The following PPP2R3A variants were observed in gnomAD, a reference collection of about 807,000 sequenced individuals.
PPP2R3A encodes the protein serine/threonine-protein phosphatase 2A regulatory subunit B'' subunit alpha.
Under a neutral mutation model 106.9 loss-of-function variants are expected in PPP2R3A, and 80 were observed. The ratio of observed to expected loss-of-function variants is 0.75; its 90% confidence interval spans 0.62 to 0.90. The LOEUF (loss-of-function observed/expected upper bound fraction) is 0.90, where lower values mean the gene tolerates loss of function less well. PPP2R3A is among the 40% of genes least tolerant of loss of function. The pLI, the probability that PPP2R3A is intolerant of heterozygous loss-of-function variation, is 0.00. For missense variants in PPP2R3A, 1,386 were observed against 1,350.4 expected, an observed-to-expected ratio of 1.03 and a Z score of -0.41; for synonymous variants, 483 against 468.3, an observed-to-expected ratio of 1.03 and a Z score of -0.41.
chr3:136,047,168 G>A (rs556886411), intron 4 of PPP2R3A, among the ~76,000 whole-genome samples: 1 of 152,328 alleles, frequency 6.6e-6, no homozygotes, highest in South Asian at 2.1e-4. Context: ...AACGTATGAG[G>A]ATATAGTCCA....
chr3:136,095,827 G>A (rs1350349229), intron 10 of PPP2R3A, among the ~76,000 whole-genome samples: 1 of 152,148 alleles, frequency 6.6e-6, no homozygotes, highest in Non-Finnish European at 1.5e-5. Context: ...CTAAAGCAGA[G>A]TGTGAGCAGA....
chr3:135,980,113 G>A (rs1937519227), intron 1 of PPP2R3A, among the ~76,000 whole-genome samples: 1 of 151,710 alleles, frequency 6.6e-6, no homozygotes, highest in South Asian at 2.1e-4. Flanking sequence ...CGAAAGAGTG[G>A]CCTCAGGCAC....
At chr3:136,037,622 A>T (rs1050476015) in intron 3 of PPP2R3A, among the ~76,000 whole-genome samples, 1 of 152,202 alleles carries the variant, frequency 6.6e-6, no homozygotes, top group Non-Finnish European at 1.5e-5. Context: ...AAATGGGATT[A>T]AAAAAATCAC....
At chr3:135,972,825 C>A (rs894912256) in intron 1 of PPP2R3A, among the ~76,000 whole-genome samples, 2 of 152,118 alleles carry the variant, frequency 1.3e-5, no homozygotes, top group African/African-American at 4.8e-5. Context: ...TTTAAGAGTT[C>A]TTTACATATG....
chr3:136,030,774 ATATATATGTATGTATGTATG>A (rs1559878111), intron 3 of PPP2R3A, among the ~76,000 whole-genome samples: 2 of 124,112 alleles, frequency 1.6e-5, no homozygotes, highest in African/African-American at 7.1e-5. Context: ...ATATATATAT[ATATATATGTATGTATGTATG>A]TATGTATGTA....
intron 13 of PPP2R3A, 162 bp downstream of exon 13, chr3:136,106,484 C>A: frequency 1.6e-6 from 1 of 627,124 alleles, no homozygotes; most frequent in Non-Finnish European, 2.7e-6. Context: ...TTCCAGCAAT[C>A]TTCACTCATT....
intron 2 of PPP2R3A, among the ~76,000 whole-genome samples, chr3:136,016,653 A>AT (rs1311390038): frequency 6.6e-6 from 1 of 151,990 alleles, no homozygotes; most frequent in African/African-American, 2.4e-5. Context: ...TTTGGTGTCC[A>AT]TTTGCATGGA....
chr3:136,019,952 A>G (rs544200141), intron 2 of PPP2R3A, among the ~76,000 whole-genome samples: 5 of 152,322 alleles, frequency 3.3e-5, no homozygotes, highest in South Asian at 2.1e-4. Flanking sequence ...TAGGAAGTAA[A>G]TGAAATGAAA....
chr3:136,076,084 TC>T lies in PPP2R3A; in HGVS notation c.2545-2281del, dbSNP rs1193997269. Among the ~76,000 whole-genome samples the T allele has an allele frequency of 2.6e-5, 4 of 152,332 alleles. No individual in the cohort carries two copies. The East Asian group carries it at 5.8e-4, about 22-fold the overall frequency. On this transcript the variant is annotated intron_variant, in intron 6 of 13. Coordinates refer to ENST00000264977, the MANE Select transcript of PPP2R3A (RefSeq NM_002718.5). ...TCCCAGCTCCCACCTAATTCAGGAA[TC>T]CTGTCAACTTCTTCCTAAATACTTG...
At chr3:136,047,473 T>C (rs975257522) in intron 4 of PPP2R3A, among the ~76,000 whole-genome samples, 2 of 152,214 alleles carry the variant, frequency 1.3e-5, no homozygotes, top group Non-Finnish European at 2.9e-5. Context: ...TAAAAAAGAA[T>C]GAAGTCTTGT....
intron 13 of PPP2R3A, among the ~76,000 whole-genome samples, chr3:136,121,681 C>T (rs559594533): frequency 3.2e-4 from 48 of 149,878 alleles, no homozygotes; most frequent in African/African-American, 1.1e-3. Flanking sequence ...CTAATATTCT[C>T]GGAAAGAGAA....
intron 1 of PPP2R3A, among the ~76,000 whole-genome samples, chr3:135,990,767 T>C (rs1933126981): frequency 6.6e-6 from 1 of 152,056 alleles, no homozygotes; most frequent in African/African-American, 2.4e-5. Context: ...TCTAGACTCT[T>C]CTGAGGCCTT....
chr3:136,028,850 T>C (rs1437928533), intron 3 of PPP2R3A, among the ~76,000 whole-genome samples: 6 of 148,876 alleles, frequency 4.0e-5, no homozygotes, highest in African/African-American at 1.6e-4. Flanking sequence ...TTGTTGTTGT[T>C]TTGTTTTGTT....
At chr3:135,970,384 C>T (rs750692425) in intron 1 of PPP2R3A, among the ~76,000 whole-genome samples, 5 of 151,954 alleles carry the variant, frequency 3.3e-5, no homozygotes, top group African/African-American at 4.8e-5. Context: ...TACAGGTGTG[C>T]GATATTTAAC....
intron 6 of PPP2R3A, among the ~76,000 whole-genome samples, chr3:136,072,151 TTTAA>T (rs1484720393): frequency 1.3e-5 from 2 of 152,262 alleles, no homozygotes; most frequent in Non-Finnish European, 2.9e-5. Context: ...TCATCTGATA[TTTAA>T]TTTTTTGTTT....
At chr3:136,103,962 G>A (rs1190709360) in intron 12 of PPP2R3A, among the ~76,000 whole-genome samples, 1 of 152,010 alleles carries the variant, frequency 6.6e-6, no homozygotes, top group Non-Finnish European at 1.5e-5. Context: ...CTATACATAC[G>A]ATCCATGTTA....
chr3:136,141,419 TC>T (rs1207373220), intron 13 of PPP2R3A, among the ~76,000 whole-genome samples: 1 of 152,134 alleles, frequency 6.6e-6, no homozygotes, highest in East Asian at 1.9e-4. Context: ...AGGGGCCAGA[TC>T]ATGCAGGGCC....
At chr3:136,087,439 T>C (rs1166383308) in intron 8 of PPP2R3A, 2 of 152,972 alleles carry the variant, frequency 1.3e-5, no homozygotes, top group African/African-American at 4.8e-5. Flanking sequence ...TGTAGTGTGT[T>C]TGAGTAGCTT....
intron 6 of PPP2R3A, among the ~76,000 whole-genome samples, chr3:136,071,588 T>C (rs1162491052): frequency 6.6e-6 from 1 of 152,194 alleles, no homozygotes; most frequent in Admixed American, 6.5e-5. Flanking sequence ...GGTCTCCCTG[T>C]TACCACTCTA....
Sources: gnomAD v4.1 joint callset for allele counts (sites outside exome capture counted in the v4.1 genomes callset) on GRCh38, gnomAD v4.1.1 for gene constraint, MANE v1.5 for transcripts, NCBI Gene and HGNC (gene_info 2026-07-23, HGNC 2026-07-21) for gene names.